The following ATP11A variants were observed in gnomAD, a reference collection of about 807,000 sequenced individuals.
ATP11A encodes ATPase phospholipid transporting 11A, also known as phospholipid-transporting ATPase IH.
In ATP11A, 81 loss-of-function variants were observed where a neutral mutation model predicts 154.4. The ratio of observed to expected loss-of-function variants is 0.52; its 90% CI spans 0.44 to 0.63. ATP11A has a LOEUF of 0.63. Among genes scored for constraint, ATP11A ranks in the 30% least tolerant of loss-of-function variants. The pLI is 0.00. For synonymous variants in ATP11A, 623 were observed against 585.9 expected, an observed-to-expected ratio of 1.06 and a Z score of -0.91; for missense variants, 1,316 against 1,474.3, an observed-to-expected ratio of 0.89 and a Z score of 1.76.
rs1481038563 is a variant in ATP11A at position 112,836,366 on chromosome 13, T to G, written c.1705+115T>G. ...TTAGGGTTTAAGAATGATTTATTCT[T>G]TTTTTAAAAACTATAGACAAATCCT... On this transcript the variant is annotated intron_variant, in intron 16 of 29. Transcript: ENST00000375645. 3 of 603,666 alleles carry G rather than the reference T, an allele frequency of 5.0e-6. No homozygotes were observed. The African/African-American group carries it at 5.6e-5, about 11-fold the overall frequency. The allele number at this position is 603,666 out of a possible 1,614,324, so 37.4% of individuals were successfully genotyped here.
In ATP11A at chr13:112,835,263, G is replaced by T. The variant is rs150362371; in HGVS notation, c.1631+603G>T. Among the ~76,000 whole-genome samples, 51 of 152,370 alleles carry T rather than the reference G, an allele frequency of 3.3e-4. No individual in the cohort carries two copies. In the South Asian group the frequency reaches 8.7e-3, roughly 26 times the overall value. ...CCATCTTGAGATCTGACTCAGGAGA[G>T]GGGGTGGTGGCTTATCAACAAGCAC... On this transcript the variant is annotated intron_variant, in intron 15 of 29. Transcript: ENST00000375645.
chr13:112,690,451 G>C lies in ATP11A; in HGVS notation c.35G>C (p.Arg12Thr). 7.4e-7 allele frequency: 1 copy of C among 1,355,326 alleles called. No homozygotes were observed. The highest frequency in any genetic ancestry group is 9.5e-7 in the Non-Finnish European group (1 of 1,051,340). The allele number at this position is 1,355,326 out of a possible 1,614,324, so 84.0% of individuals were successfully genotyped here. A position where few individuals can be genotyped will look rare whatever the true frequency, so the allele number is the denominator to read the frequency against. ...AGCCTCGTGCGGACGCTCGTGCACAGATACGTGAGTGCTCCCGGCGCGGGC... is the reference window on the plus strand; with the variant it reads ...AGCCTCGTGCGGACGCTCGTGCACACATACGTGAGTGCTCCCGGCGCGGGC... ...DCSLVRTLVH[R>T]YCAGEENWVD... is the part of the protein sequence containing the mutation. The change falls in exon 1 of 30, where the codon AGA (arginine) becomes ACA (threonine). Residue 12 changes from arginine to threonine, a missense_variant. Arg to Thr is a moderately conservative substitution (Grantham distance 71). Coordinates refer to ENST00000375645, the MANE Select transcript of ATP11A (RefSeq NM_015205.3). This position sits in a 1 kb window ranked among gnomAD's most constrained non-coding sequence, Gnocchi z 5.6.
At chr13:112,711,387 C>A (rs282572) in intron 1 of ATP11A, among the ~76,000 whole-genome samples, 13 of 152,262 alleles carry the variant, frequency 8.5e-5, no homozygotes, top group East Asian at 5.8e-4. Context: ...GGATCAGATC[C>A]CCTGAGCCCA....
rs558284854 is a variant in ATP11A at position 112,875,782 on chromosome 13, C to T, written c.3168C>T (p.Phe1056=). ...TCTCTTCCCTGCCCCTCAGGCCGTTCCTCAACTACCAGAGGATGTACTACG... is the reference window on the plus strand; with the variant it reads ...TCTCTTCCCTGCCCCTCAGGCCGTTTCTCAACTACCAGAGGATGTACTACG... ...SLLWGGVIWP[F]LNYQRMYYVF... is the part of the protein sequence containing the mutation. Residue 1056 remains phenylalanine, a synonymous_variant, in exon 28 of 30, where the codon TTC becomes TTT. Transcript: ENST00000375645. The surrounding 1 kb of genome is among the most constrained non-coding windows in gnomAD (Gnocchi z 4.1). The T allele has an allele frequency of 1.4e-5, 23 of 1,613,384 alleles. No homozygotes were observed. In the South Asian group the frequency reaches 2.4e-4, roughly 17 times the overall value.
In ATP11A at chr13:112,859,844, A is replaced by G. The variant is rs2080049091; in HGVS notation, c.2727+392A>G. ...GCACGTTAACACATGCAACGTGCCC[A>G]TAGGGGAAGAAGACAGTTCCCATCC... is the stretch of plus-strand genomic sequence containing the variant. On this transcript the variant is annotated intron_variant, in intron 23 of 29. Coordinates refer to ENST00000375645, the MANE Select transcript of ATP11A (RefSeq NM_015205.3). This position sits in a 1 kb window ranked among gnomAD's most constrained non-coding sequence, Gnocchi z 4.3. Among the ~76,000 whole-genome samples the G allele has an allele frequency of 2.0e-5, 3 of 152,196 alleles. No homozygotes were observed. The highest frequency in any genetic ancestry group is 2.1e-4 in the South Asian group (1 of 4,832).
In ATP11A at chr13:112,884,551, G is replaced by A. The variant is rs1268366261; in HGVS notation, c.*2685G>A. ...GATGAGAAGATCCTCAGTGAATGACGTTGCAGGGTCTTCATGCAATTTTCC... is the reference window on the plus strand; with the variant it reads ...GATGAGAAGATCCTCAGTGAATGACATTGCAGGGTCTTCATGCAATTTTCC... On this transcript the variant is annotated 3_prime_UTR_variant, in exon 30 of 30. Transcript: ENST00000375645. 1 of 152,212 alleles carries A rather than the reference G, an allele frequency of 6.6e-6. No homozygotes were observed. Among genetic ancestry groups the A allele is most frequent in the African/African-American group, 2.4e-5 (1 of 41,452 alleles). The allele number at this position is 152,212 out of a possible 1,614,324, so 9.4% of individuals were successfully genotyped here.
In ATP11A at chr13:112,753,250, A is replaced by C. The variant is rs415552; in HGVS notation, c.40-31885A>C. The stretch of plus-strand genomic sequence containing the variant: ...AACCTCCCCCGCCCCTGGCCGCCCC[A>C]CATCATGGACAGCTGGGCTCCAATC... On this transcript the variant is annotated intron_variant, in intron 1 of 29. Coordinates refer to ENST00000375645, the MANE Select transcript of ATP11A (RefSeq NM_015205.3). This position sits in a 1 kb window ranked among gnomAD's most constrained non-coding sequence, Gnocchi z 4.1. Among the ~76,000 whole-genome samples the C allele has an allele frequency of 0.24, 37,231 of 152,088 alleles. 6,088 individuals carry two copies. The highest frequency in any genetic ancestry group is 0.46 in the African/African-American group (19,143 of 41,440).
intron 2 of ATP11A, among the ~76,000 whole-genome samples, chr13:112,787,467 G>C (rs1181085646): frequency 8.4e-6 from 1 of 118,692 alleles, no homozygotes. Context: ...GTAGACCCCT[G>C]TGGATACCTA....
rs756738168 is a variant in ATP11A, at chr13:112,696,675, A to G, written c.39+6220A>G. Among the ~76,000 whole-genome samples the G allele has an allele frequency of 1.1e-3, 170 of 151,340 alleles. No individual in the cohort carries two copies. The highest frequency in any genetic ancestry group is 2.3e-3 in the Non-Finnish European group (153 of 67,794). On this transcript the variant is annotated intron_variant, in intron 1 of 29. Coordinates refer to ENST00000375645, the MANE Select transcript of ATP11A (RefSeq NM_015205.3). The surrounding 1 kb of genome is among the most constrained non-coding windows in gnomAD (Gnocchi z 6.2). The stretch of plus-strand genomic sequence containing the variant: ...TCCTTCTCCTGTCTCTTCTGTGCCT[A>G]CCGCGGGGGGTTCCCTTACCAAGGT...
chr13:112,880,577 C>T, intron 29 of ATP11A: 2 of 1,300,632 alleles, frequency 1.5e-6, no homozygotes, highest in Non-Finnish European at 1.0e-6. Context: ...CCAGTCCAGG[C>T]CGCACAGAGC....
At chr13:112,744,237 G>A (rs1891867347) in intron 1 of ATP11A, among the ~76,000 whole-genome samples, 1 of 152,214 alleles carries the variant, frequency 6.6e-6, no homozygotes, top group African/African-American at 2.4e-5. Context: ...GTATGTTGAT[G>A]TGTGTTGACG....
At chr13:112,770,533 T>C (rs761085296) in intron 1 of ATP11A, among the ~76,000 whole-genome samples, 67 of 152,240 alleles carry the variant, frequency 4.4e-4, no homozygotes, top group Non-Finnish European at 7.8e-4. Flanking sequence ...GACAGAGGGA[T>C]GGGCGTGCCC....
At chr13:112,849,724 G>A (rs1204292351) in intron 17 of ATP11A, among the ~76,000 whole-genome samples, 1 of 152,220 alleles carries the variant, frequency 6.6e-6, no homozygotes, top group Admixed American at 6.5e-5. Flanking sequence ...TGTGTGCCAG[G>A]GATTCAGTGG....
intron 1 of ATP11A, among the ~76,000 whole-genome samples, chr13:112,742,903 C>T (rs909150641): frequency 5.9e-5 from 9 of 152,146 alleles, no homozygotes; most frequent in Non-Finnish European, 1.5e-5. Context: ...CCTGTTTTTC[C>T]TTATTGTGTA....
intron 4 of ATP11A, among the ~76,000 whole-genome samples, chr13:112,809,397 C>T (rs1442050873): frequency 5.3e-5 from 8 of 152,310 alleles, no homozygotes; most frequent in Non-Finnish European, 8.8e-5. Flanking sequence ...ATGCTCCCTT[C>T]GGAGGAGACT....
At chr13:112,773,038 T>C (rs773048616) in intron 1 of ATP11A, among the ~76,000 whole-genome samples, 8 of 152,108 alleles carry the variant, frequency 5.3e-5, no homozygotes, top group African/African-American at 1.9e-4. Flanking sequence ...GAAGGCCTGG[T>C]CCATGGTGAT....
intron 15 of ATP11A, 109 bp downstream of exon 15, chr13:112,834,769 T>C: frequency 1.2e-6 from 1 of 852,862 alleles, no homozygotes; most frequent in Non-Finnish European, 1.9e-6. Flanking sequence ...TCTCCCACAA[T>C]TCGCTTCCTC....
At chr13:112,832,359 T>C (rs2079118189) in intron 13 of ATP11A, among the ~76,000 whole-genome samples, 1 of 152,110 alleles carries the variant, frequency 6.6e-6, no homozygotes, top group Non-Finnish European at 1.5e-5. Flanking sequence ...AGCTCCAACT[T>C]CTTAAGGGGT....
At chr13:112,868,245 G>A (rs2140400009) in intron 25 of ATP11A, among the ~76,000 whole-genome samples, 1 of 152,358 alleles carries the variant, frequency 6.6e-6, no homozygotes, top group East Asian at 1.9e-4. Context: ...CCAGGTGGGA[G>A]GCAGAGGGAT....
Sources: allele counts gnomAD v4.1 joint callset (sites outside exome capture counted in the v4.1 genomes callset), GRCh38; gene constraint gnomAD v4.1.1; non-coding constraint Gnocchi (gnomAD v3.1); transcripts MANE v1.5; gene names NCBI Gene and HGNC (gene_info 2026-07-23, HGNC 2026-07-21).